The following MYT1L variants were observed in gnomAD, a reference collection of about 807,000 sequenced individuals.
MYT1L encodes myelin transcription factor 1 like.
MYT1L carries 12 observed loss-of-function variants against 126.7 expected under a neutral mutation model. That is an observed-to-expected ratio of 0.09 (90% CI 0.06 to 0.15). MYT1L has a LOEUF of 0.15. Among genes scored for constraint, MYT1L ranks in the 10% least tolerant of loss-of-function variants. The pLI is 1.00. For synonymous variants in MYT1L, 541 were observed against 604.2 expected (o/e 0.90, Z 1.53); for missense variants, 979 against 1,585.2 (o/e 0.62, Z 6.49).
At chr2:1,974,486 G>A (rs1192787560) in intron 8 of MYT1L, 1 of 152,202 alleles carries the variant, frequency 6.6e-6, no homozygotes, top group African/African-American at 2.4e-5. Flanking sequence ...CCTCAGTTGG[G>A]AAAAGCAAAA....
chr2:1,874,555 T>A (rs112994517), intron 18 of MYT1L, among the ~76,000 whole-genome samples: 3 of 152,160 alleles, frequency 2.0e-5, no homozygotes, highest in African/African-American at 7.2e-5. Context: ...TAATGGGCAA[T>A]GATGTGGCTT....
At chr2:1,972,822 T>C (rs1574117160) in intron 8 of MYT1L, among the ~76,000 whole-genome samples, 1 of 152,236 alleles carries the variant, frequency 6.6e-6, no homozygotes, top group African/African-American at 2.4e-5. Context: ...CCCAGTCATG[T>C]TCTAATGAAA....
chr2:2,037,142 T>TA (rs2066947099), intron 4 of MYT1L, among the ~76,000 whole-genome samples: 1 of 152,224 alleles, frequency 6.6e-6, no homozygotes, highest in Non-Finnish European at 1.5e-5. Flanking sequence ...TCACTCCACT[T>TA]AGACTAAATT....
chr2:2,002,490 C>T (rs2062493266), intron 4 of MYT1L, among the ~76,000 whole-genome samples: 1 of 152,212 alleles, frequency 6.6e-6, no homozygotes, highest in African/African-American at 2.4e-5. Context: ...TGGTAAGTGT[C>T]AGGCCACTGT....
chr2:1,849,707 C>T (rs971136775), intron 19 of MYT1L, among the ~76,000 whole-genome samples: 6 of 152,250 alleles, frequency 3.9e-5, no homozygotes, highest in African/African-American at 9.6e-5. Context: ...GAGCTTGCAA[C>T]GTTGGCACGG....
At position 1,929,483 on chromosome 2, in the gene MYT1L, A is replaced by G. The variant is rs1290429574; in HGVS notation, c.506-6220T>C. ...GCACGTGTCTTCCCTGCCAGGCCGC[A>G]CTGTCCCTGGCTCCGCTCTAGCCAT... On this transcript the variant is annotated intron_variant, in intron 9 of 24. Coordinates refer to ENST00000647738, the MANE Select transcript of MYT1L (RefSeq NM_001303052.2). This position sits in a 1 kb window ranked among gnomAD's most constrained non-coding sequence, Gnocchi z 4.7. 6.6e-6 allele frequency among the ~76,000 whole-genome samples: 1 copy of G among 152,210 alleles called. No individual in the cohort carries two copies. Among genetic ancestry groups the G allele is most frequent in the Non-Finnish European group, 1.5e-5 (1 of 68,038 alleles).
At chr2:2,004,640 GGCATTCTTTCCTGCGT>G (rs1461784687) in intron 4 of MYT1L, among the ~76,000 whole-genome samples, 1 of 122,210 alleles carries the variant, frequency 8.2e-6, no homozygotes, top group Non-Finnish European at 1.7e-5. Flanking sequence ...CTTTCCTGCA[GGCATTCTTTCCTGCGT>G]GCCTTCTTTC....
At chr2:2,265,963 A>G (rs79913350) in intron 2 of MYT1L, among the ~76,000 whole-genome samples, 2,325 of 152,170 alleles carry the variant, frequency 0.015, 28 homozygotes, top group Non-Finnish European at 0.021. Flanking sequence ...GCAGGACTGG[A>G]GGTGGCTTAG....
intron 3 of MYT1L, among the ~76,000 whole-genome samples, chr2:2,115,994 T>G (rs1018878747): frequency 4.0e-5 from 6 of 150,046 alleles, no homozygotes; most frequent in Admixed American, 1.3e-4. Context: ...ACGAGCCTGC[T>G]GTGCAGTTGA....
intron 3 of MYT1L, among the ~76,000 whole-genome samples, 190 bp downstream of exon 3, chr2:2,172,682 C>T (rs1340265378): frequency 2.0e-5 from 3 of 151,646 alleles, no homozygotes; most frequent in Admixed American, 6.6e-5. Context: ...TGTACTCTGT[C>T]GCCAGGAGCC....
At chr2:2,007,562 T>C (rs1279058366) in intron 4 of MYT1L, among the ~76,000 whole-genome samples, 1 of 152,224 alleles carries the variant, frequency 6.6e-6, no homozygotes, top group Non-Finnish European at 1.5e-5. Flanking sequence ...TATTTAACCT[T>C]TTATCTGTAG....
At chr2:1,805,188 A>C (rs2035504402) in intron 22 of MYT1L, among the ~76,000 whole-genome samples, 1 of 152,218 alleles carries the variant, frequency 6.6e-6, no homozygotes, top group Non-Finnish European at 1.5e-5. Context: ...CCCTAAACTT[A>C]AAAAAGAAAG....
At position 2,233,321 on chromosome 2, in the gene MYT1L, G is replaced by A. The variant is rs1378054213; in HGVS notation, c.-421+51083C>T. 2.0e-5 allele frequency among the ~76,000 whole-genome samples: 3 copies of A among 152,202 alleles called. No homozygotes were observed. The South Asian group carries it at 6.2e-4, about 32-fold the overall frequency. On this transcript the variant is annotated intron_variant, in intron 2 of 24. Coordinates refer to ENST00000647738, the MANE Select transcript of MYT1L (RefSeq NM_001303052.2). Reference sequence around the variant, plus strand: ...GAAGCAGAGCACGGGGCGCCGGGATGTCAGGGCTGAGATGCGGGGGTGTGG... The same window carrying A: ...GAAGCAGAGCACGGGGCGCCGGGATATCAGGGCTGAGATGCGGGGGTGTGG...
intron 1 of MYT1L, among the ~76,000 whole-genome samples, chr2:2,285,132 A>G (rs1267417278): frequency 6.6e-5 from 10 of 152,200 alleles, no homozygotes; most frequent in Admixed American, 6.5e-4. Context: ...AAAGTCTTCT[A>G]ACCCGGGGAG....
In MYT1L at chr2:2,263,365, G is replaced by A. The variant is rs77291362; in HGVS notation, c.-421+21039C>T. Among the ~76,000 whole-genome samples, 461 of 152,122 alleles carry A rather than the reference G, an allele frequency of 3.0e-3. 2 individuals are homozygous for A. The highest frequency in any genetic ancestry group is 0.016 in the South Asian group (78 of 4,824). ...TTACATCCCAGAAACAAGGGGTGCT[G>A]CACATATGCAAAACCCGGTCGCAGA... On this transcript the variant is annotated intron_variant, in intron 2 of 24. Coordinates refer to ENST00000647738, the MANE Select transcript of MYT1L (RefSeq NM_001303052.2).
intron 2 of MYT1L, among the ~76,000 whole-genome samples, chr2:2,249,656 A>G (rs1162697386): frequency 6.6e-6 from 1 of 152,172 alleles, no homozygotes; most frequent in African/African-American, 2.4e-5. Flanking sequence ...ACAAGCAACC[A>G]AAGCAAAAAT....
At chr2:2,286,580 T>C (rs909235338) in intron 1 of MYT1L, among the ~76,000 whole-genome samples, 6 of 152,224 alleles carry the variant, frequency 3.9e-5, no homozygotes, top group African/African-American at 1.4e-4. Context: ...ACTTTACAAC[T>C]GAAAAGGATA....
At chr2:2,019,684 T>C (rs1192071842) in intron 4 of MYT1L, among the ~76,000 whole-genome samples, 2 of 152,228 alleles carry the variant, frequency 1.3e-5, no homozygotes, top group African/African-American at 2.4e-5. Context: ...TGTATCTACA[T>C]GCATGCATGC....
intron 5 of MYT1L, among the ~76,000 whole-genome samples, chr2:1,986,952 A>C (rs2061078530): frequency 6.6e-6 from 1 of 152,248 alleles, no homozygotes; most frequent in Admixed American, 6.5e-5. Flanking sequence ...ACTTCAGAGG[A>C]AACATCAAGT....
Sources: gnomAD v4.1 joint callset for allele counts (sites outside exome capture counted in the v4.1 genomes callset) on GRCh38, gnomAD v4.1.1 for gene constraint, Gnocchi (gnomAD v3.1) non-coding constraint, MANE v1.5 for transcripts, NCBI Gene and HGNC (gene_info 2026-07-23, HGNC 2026-07-21) for gene names.